The following DNAH12 variants were observed in gnomAD, a reference collection of about 807,000 sequenced individuals.
DNAH12 encodes the protein dynein axonemal heavy chain 12, also known as axonemal beta dynein heavy chain 12.
In DNAH12, 285 loss-of-function variants were observed where a neutral mutation model predicts 371.5. The observed-to-expected ratio is 0.77, with a 90% CI of 0.70 to 0.85. The LOEUF (loss-of-function observed/expected upper bound fraction) is 0.85, where lower values mean the gene tolerates loss of function less well. Ranked by LOEUF, DNAH12 falls within the 40% of genes least tolerant of loss-of-function variation. The probability of loss-of-function intolerance (pLI) is 0.00; values close to 1 mark genes in which losing one functional copy is unlikely to be tolerated. For synonymous variants in DNAH12, 1,200 were observed against 1,213.0 expected, an observed-to-expected ratio of 0.99 and a Z score of 0.22; for missense variants, 3,611 against 3,689.4, an observed-to-expected ratio of 0.98 and a Z score of 0.55.
intron 62 of DNAH12, among the ~76,000 whole-genome samples, chr3:57,333,809 C>T (rs1460189459): frequency 6.6e-6 from 1 of 152,078 alleles, no homozygotes; most frequent in Admixed American, 6.6e-5. Flanking sequence ...TCACAATGTC[C>T]AGTATCCAAT....
chr3:57,408,593 T>C, intron 39 of DNAH12, 58 bp from the exon 40 acceptor site: 1 of 1,407,366 alleles, frequency 7.1e-7, no homozygotes, highest in Non-Finnish European at 9.3e-7. Context: ...TAAGATGGGA[T>C]GAAATATAGA....
chr3:57,337,831 C>G (rs2062265332), intron 60 of DNAH12, among the ~76,000 whole-genome samples: 1 of 152,084 alleles, frequency 6.6e-6, no homozygotes, highest in Non-Finnish European at 1.5e-5. Flanking sequence ...GACAGAAAGT[C>G]AACAAAGAAA....
chr3:57,487,307 GGGAGAGAGAGAGA>G (rs2066953563), intron 12 of DNAH12, among the ~76,000 whole-genome samples: 1 of 124,780 alleles, frequency 8.0e-6, no homozygotes, highest in Non-Finnish European at 1.6e-5. Flanking sequence ...AAGGAAGGAA[GGGAGAGAGAGAGA>G]GAAAGGGAGG....
chr3:57,497,275 G>A lies in DNAH12; in HGVS notation c.1335+4046C>T, dbSNP rs540330073. ...TGTATATGGAAATGCAAAGCACCTA[G>A]AACAGTCAAAATAATTTTGGAAAAA... On this transcript the variant is annotated intron_variant, in intron 11 of 73. Transcript: ENST00000495027. Among the ~76,000 whole-genome samples, 3 of 152,252 alleles carry A rather than the reference G, an allele frequency of 2.0e-5. No homozygotes were observed. The South Asian group carries it at 6.2e-4, about 32-fold the overall frequency.
intron 65 of DNAH12, among the ~76,000 whole-genome samples, chr3:57,317,245 T>G (rs578140422): frequency 6.6e-6 from 1 of 152,358 alleles, no homozygotes; most frequent in South Asian, 2.1e-4. Flanking sequence ...ACATTTAACA[T>G]GAAATCTACC....
the DNAH12 span, among the ~76,000 whole-genome samples, chr3:57,550,770 G>A: frequency 6.6e-6 from 1 of 151,618 alleles, no homozygotes. Flanking sequence ...TGATCCACCC[G>A]CCCTGGCCTC....
chr3:57,498,457 C>T, intron 11 of DNAH12: 1 of 709,534 alleles, frequency 1.4e-6, no homozygotes, highest in South Asian at 1.5e-5. Context: ...GCTGAGACTA[C>T]AGGTGCAAGC....
chr3:57,298,922 A>G (rs2061289098), intron 70 of DNAH12, among the ~76,000 whole-genome samples: 1 of 152,226 alleles, frequency 6.6e-6, no homozygotes, highest in Non-Finnish European at 1.5e-5. Context: ...AGGTGCTTTG[A>G]ATAAAATGAG....
chr3:57,326,829 G>C (rs1416082775), intron 62 of DNAH12, among the ~76,000 whole-genome samples: 1 of 152,120 alleles, frequency 6.6e-6, no homozygotes, highest in Non-Finnish European at 1.5e-5. Flanking sequence ...CATGTGCAGA[G>C]ACACACATAG....
intron 61 of DNAH12, 29 bp downstream of exon 61, chr3:57,334,753 A>G (rs2062184654): frequency 3.9e-6 from 6 of 1,532,146 alleles, no homozygotes; most frequent in Admixed American, 4.3e-5. Flanking sequence ...TTGCCATTCA[A>G]TGATAAATCA....
At chr3:57,304,892 T>C (rs1251575342) in intron 69 of DNAH12, among the ~76,000 whole-genome samples, 3 of 152,050 alleles carry the variant, frequency 2.0e-5, no homozygotes, top group Non-Finnish European at 4.4e-5. Context: ...TTCGTGTCTC[T>C]ACTCTCTTTT....
At chr3:57,354,281 CACTT>C (rs1190459543) in intron 59 of DNAH12, among the ~76,000 whole-genome samples, 1 of 152,102 alleles carries the variant, frequency 6.6e-6, no homozygotes, top group Admixed American at 6.6e-5. Context: ...CACATGTTCT[CACTT>C]ACAACACTGA....
intron 58 of DNAH12, among the ~76,000 whole-genome samples, chr3:57,358,234 A>T (rs2062844481): frequency 6.6e-6 from 1 of 152,204 alleles, no homozygotes; most frequent in Non-Finnish European, 1.5e-5. Context: ...TCGGAAACTG[A>T]AGTTAGGTGG....
At chr3:57,514,224 T>A (rs1174679431) in intron 4 of DNAH12, among the ~76,000 whole-genome samples, 1 of 151,802 alleles carries the variant, frequency 6.6e-6, no homozygotes, top group East Asian at 1.9e-4. Context: ...TGAAACCCCG[T>A]CTCTACTAAA....
chr3:57,535,629 G>A (rs1406339605), intron 2 of DNAH12, among the ~76,000 whole-genome samples: 5 of 152,022 alleles, frequency 3.3e-5, no homozygotes, highest in Non-Finnish European at 5.9e-5. Context: ...CACAACCTCC[G>A]CCTCCCGGGT....
chr3:57,381,587 C>A (rs1169776075), intron 50 of DNAH12, among the ~76,000 whole-genome samples: 1 of 152,152 alleles, frequency 6.6e-6, no homozygotes, highest in East Asian at 1.9e-4. Flanking sequence ...GAGGTAGATA[C>A]TATGAGTACC....
intron 69 of DNAH12, among the ~76,000 whole-genome samples, chr3:57,308,157 G>C (rs945686928): frequency 2.6e-5 from 4 of 152,158 alleles, no homozygotes; most frequent in Non-Finnish European, 5.9e-5. Flanking sequence ...GGTCTGGGTA[G>C]ACACTTTCAC....
chr3:57,406,082 G>A, intron 40 of DNAH12, 130 bp from the exon 41 acceptor site: 1 of 968,996 alleles, frequency 1.0e-6, no homozygotes, highest in Admixed American at 2.9e-5. Flanking sequence ...TGGGCGCGGT[G>A]GCTCACATCT....
At chr3:57,524,772 A>G (rs987458557) in intron 2 of DNAH12, among the ~76,000 whole-genome samples, 2 of 152,148 alleles carry the variant, frequency 1.3e-5, no homozygotes, top group Non-Finnish European at 2.9e-5. Context: ...AGACCCCAAG[A>G]AACAGGAAGG....
Sources: gnomAD v4.1 joint callset for allele counts (sites outside exome capture counted in the v4.1 genomes callset) on GRCh38, gnomAD v4.1.1 for gene constraint, MANE v1.5 for transcripts, NCBI Gene and HGNC (gene_info 2026-07-23, HGNC 2026-07-21) for gene names.